Variants in HPSE2 observed in about 807,000 individuals in gnomAD.
The protein encoded by HPSE2 is inactive heparanase-2.
Under a neutral mutation model 60.5 loss-of-function variants are expected in HPSE2, and 38 were observed. That is an observed-to-expected ratio of 0.63 (90% confidence interval 0.48 to 0.82). HPSE2 has a LOEUF of 0.82. Among genes scored for constraint, HPSE2 ranks in the 40% least tolerant of loss-of-function variants. HPSE2 has a pLI of 0.00. For synonymous variants in HPSE2, 295 were observed against 293.2 expected, an observed-to-expected ratio of 1.01 and a Z score of -0.06; for missense variants, 713 against 740.4, an observed-to-expected ratio of 0.96 and a Z score of 0.43.
chr10:98,521,568 C>G (rs1461276251), intron 9 of HPSE2, among the ~76,000 whole-genome samples: 8 of 152,170 alleles, frequency 5.3e-5, no homozygotes, highest in Non-Finnish European at 1.0e-4. Context: ...TTGTGGAAGA[C>G]AGTGTGGCGA....
chr10:99,066,386 G>A (rs922172223), intron 3 of HPSE2, among the ~76,000 whole-genome samples: 7 of 152,010 alleles, frequency 4.6e-5, no homozygotes, highest in African/African-American at 1.2e-4. Context: ...AACTCAACCC[G>A]AAGCAAAGAA....
chr10:98,941,158 T>G lies in HPSE2; in HGVS notation c.611-197102A>C, dbSNP rs569237441. 8.5e-5 allele frequency among the ~76,000 whole-genome samples: 12 copies of G among 141,184 alleles called. 2 individuals are homozygous for G. The South Asian group carries it at 2.6e-3, about 30-fold the overall frequency. The allele number at this position is 141,184 out of a possible 152,430, so 92.6% of individuals were successfully genotyped here. A position where few individuals can be genotyped will look rare whatever the true frequency, so the allele number is the denominator to read the frequency against. ...ATGGGCAAAAACTGGAAGCAATCCC[T>G]TAGAAAACTGGCACAAGACAGGGAT... On this transcript the variant is annotated intron_variant, in intron 3 of 11. Transcript: ENST00000370552.
At chr10:99,082,645 G>C (rs1025084906) in intron 3 of HPSE2, among the ~76,000 whole-genome samples, 2 of 152,278 alleles carry the variant, frequency 1.3e-5, no homozygotes, top group African/African-American at 4.8e-5. Context: ...CTCCAGGAGA[G>C]CTGAGATTTT....
At chr10:98,767,789 T>A (rs1027227808) in intron 3 of HPSE2, among the ~76,000 whole-genome samples, 1 of 145,680 alleles carries the variant, frequency 6.9e-6, no homozygotes, top group Admixed American at 6.9e-5. Context: ...TATATAAATA[T>A]GTATAAATTT....
intron 3 of HPSE2, among the ~76,000 whole-genome samples, chr10:98,751,234 T>C (rs976059882): frequency 1.3e-5 from 2 of 152,206 alleles, no homozygotes; most frequent in Non-Finnish European, 2.9e-5. Flanking sequence ...ACAAAGCTTA[T>C]AGACATGGCT....
At chr10:98,516,134 G>T (rs548305425) in intron 9 of HPSE2, among the ~76,000 whole-genome samples, 1 of 152,314 alleles carries the variant, frequency 6.6e-6, no homozygotes, top group African/African-American at 2.4e-5. Context: ...AACAATGTCA[G>T]TGAACATTTC....
chr10:98,980,833 T>G (rs1201321248), intron 3 of HPSE2, among the ~76,000 whole-genome samples: 1 of 152,222 alleles, frequency 6.6e-6, no homozygotes, highest in Non-Finnish European at 1.5e-5. Flanking sequence ...CTTTTAACGT[T>G]AAATAAACAG....
At chr10:99,025,701 G>C (rs11189942) in intron 3 of HPSE2, among the ~76,000 whole-genome samples, 2,262 of 152,184 alleles carry the variant, frequency 0.015, 57 homozygotes, top group African/African-American at 0.051. Context: ...GTATACCTGA[G>C]TGGGGAGGGT....
chr10:98,909,398 A>G (rs975378290), intron 3 of HPSE2, among the ~76,000 whole-genome samples: 3 of 151,226 alleles, frequency 2.0e-5, no homozygotes, highest in Non-Finnish European at 4.4e-5. Flanking sequence ...TGGGAGGTCG[A>G]AGCGGGTGAA....
Position 98,741,406 on chromosome 10 carries a change from G to A in HPSE2, c.784+2477C>T, listed in dbSNP as rs139102961. Among the ~76,000 whole-genome samples the A allele has an allele frequency of 9.2e-3, 1,395 of 152,210 alleles. 23 individuals carry two copies. Among genetic ancestry groups the A allele is most frequent in the Middle Eastern group, 0.065 (19 of 294 alleles). ...AGGTGTCTAAATAACATTTTTTTAA[G>A]TGTAATTAGCTCCCTTTCTGAACTA... On this transcript the variant is annotated intron_variant, in intron 4 of 11. Coordinates refer to ENST00000370552, the MANE Select transcript of HPSE2 (RefSeq NM_021828.5).
At chr10:98,649,748 G>T (rs1021044182) in intron 6 of HPSE2, among the ~76,000 whole-genome samples, 1 of 152,136 alleles carries the variant, frequency 6.6e-6, no homozygotes, top group Non-Finnish European at 1.5e-5. Flanking sequence ...AAGTGTTTTA[G>T]TAATTGTTAT....
At chr10:98,979,212 T>G (rs886476228) in intron 3 of HPSE2, among the ~76,000 whole-genome samples, 1 of 152,110 alleles carries the variant, frequency 6.6e-6, no homozygotes, top group Admixed American at 6.6e-5. Flanking sequence ...AGGCACGAGC[T>G]AGGGTACTGC....
intron 3 of HPSE2, among the ~76,000 whole-genome samples, chr10:99,107,389 T>C (rs2135668647): frequency 1.3e-5 from 2 of 152,296 alleles, no homozygotes; most frequent in East Asian, 3.9e-4. Context: ...ATTTCTACCA[T>C]TGGTTTTTCT....
At chr10:99,232,831 C>T (rs1459689756) in intron 1 of HPSE2, among the ~76,000 whole-genome samples, 2 of 152,262 alleles carry the variant, frequency 1.3e-5, no homozygotes, top group African/African-American at 2.4e-5. Flanking sequence ...GTACGTGCTA[C>T]GAGCACGGCG....
At chr10:99,310,524 T>C in the HPSE2 span, among the ~76,000 whole-genome samples, 1 of 152,258 alleles carries the variant, frequency 6.6e-6, no homozygotes, top group Non-Finnish European at 1.5e-5. Context: ...AATTTTAGCA[T>C]AATTTTTAAA....
At chr10:98,955,172 C>T (rs1436811096) in intron 3 of HPSE2, among the ~76,000 whole-genome samples, 2 of 151,772 alleles carry the variant, frequency 1.3e-5, no homozygotes, top group South Asian at 4.1e-4. Flanking sequence ...TATTAGACAA[C>T]CTACAGAATA....
At chr10:98,808,773 T>C (rs1483826490) in intron 3 of HPSE2, among the ~76,000 whole-genome samples, 2 of 152,174 alleles carry the variant, frequency 1.3e-5, no homozygotes, top group East Asian at 3.9e-4. Flanking sequence ...TAAAGACTTA[T>C]ATTCCCATTA....
chr10:99,178,262 TA>T (rs1471222962), intron 2 of HPSE2, among the ~76,000 whole-genome samples: 1 of 150,644 alleles, frequency 6.6e-6, no homozygotes, highest in African/African-American at 2.4e-5. Flanking sequence ...AAGAAATAAC[TA>T]ACATCACAGC....
chr10:99,177,495 T>G (rs1015317448), intron 2 of HPSE2, among the ~76,000 whole-genome samples: 4 of 152,142 alleles, frequency 2.6e-5, no homozygotes, highest in Non-Finnish European at 5.9e-5. Flanking sequence ...TAACAGACTT[T>G]AAACCAAAAA....
Sources: gnomAD v4.1 joint callset for allele counts (sites outside exome capture counted in the v4.1 genomes callset) on GRCh38, gnomAD v4.1.1 for gene constraint, MANE v1.5 for transcripts, NCBI Gene and HGNC (gene_info 2026-07-23, HGNC 2026-07-21) for gene names.